LRRC75A: variants seen among roughly 807,000 people sequenced by gnomAD.
LRRC75A encodes the protein leucine rich repeat containing 75A.
In LRRC75A, 12 loss-of-function variants were observed where a neutral mutation model predicts 26.0. That is an observed-to-expected ratio of 0.46 (90% CI 0.30 to 0.75). The LOEUF (loss-of-function observed/expected upper bound fraction) is 0.75, where lower values mean the gene tolerates loss of function less well. Ranked by LOEUF, LRRC75A falls within the 30% of genes least tolerant of loss-of-function variation. The pLI is 0.08. For missense variants in LRRC75A, 410 were observed against 486.6 expected (o/e 0.84, Z 1.48); for synonymous variants, 223 against 219.3 (o/e 1.02, Z -0.15).
intron 1 of LRRC75A, among the ~76,000 whole-genome samples, chr17:16,485,785 C>G (rs1328645143): frequency 2.0e-5 from 3 of 151,978 alleles, no homozygotes; most frequent in Non-Finnish European, 2.9e-5. Context: ...CTGAGGATCC[C>G]CACACTGCGG....
At chr17:16,479,093 C>T (rs997779215) in intron 1 of LRRC75A, among the ~76,000 whole-genome samples, 1 of 152,220 alleles carries the variant, frequency 6.6e-6, no homozygotes, top group East Asian at 1.9e-4. Flanking sequence ...AACCCTGATG[C>T]CTCCGCTGGT....
Position 16,492,155 on chromosome 17 carries a change from C to T in LRRC75A, c.-165G>A, listed in dbSNP as rs2093859123. 9 of 398,734 alleles carry T rather than the reference C, an allele frequency of 2.3e-5. No homozygotes were observed. The highest frequency in any genetic ancestry group is 2.7e-5 in the Non-Finnish European group (8 of 295,270). The allele number at this position is 398,734 out of a possible 1,614,324, so 24.7% of individuals were successfully genotyped here. On this transcript the variant is annotated 5_prime_UTR_variant, in exon 1 of 4. Transcript: ENST00000470794. The stretch of plus-strand genomic sequence containing the variant: ...GCGGGCGGGCGGGCGGCTGTCGGCG[C>T]TCCCCGCGCTCCTCCCTCTTGGCTA...
At chr17:16,469,452 C>CT in intron 1 of LRRC75A, among the ~76,000 whole-genome samples, 1 of 152,172 alleles carries the variant, frequency 6.6e-6, no homozygotes. Context: ...TACGCTCAGG[C>CT]TTCCCCCCTC....
chr17:16,473,127 G>GTC (rs2143353384), intron 1 of LRRC75A, among the ~76,000 whole-genome samples: 1 of 150,438 alleles, frequency 6.6e-6, no homozygotes, highest in African/African-American at 2.5e-5. Flanking sequence ...GTTGTAAGTA[G>GTC]TCTGTGTGTG....
At chr17:16,489,051 C>A (rs956013257) in intron 1 of LRRC75A, among the ~76,000 whole-genome samples, 1 of 152,166 alleles carries the variant, frequency 6.6e-6, no homozygotes, top group Non-Finnish European at 1.5e-5. Context: ...CTTTGTGAAC[C>A]CTCCGAAATT....
In LRRC75A at chr17:16,474,946, T is replaced by C. The variant is rs562262092; in HGVS notation, c.247-12560A>G. 2.0e-5 allele frequency among the ~76,000 whole-genome samples: 3 copies of C among 150,830 alleles called. No individual in the cohort carries two copies. In the East Asian group the frequency reaches 5.9e-4, roughly 30 times the overall value. ...AGGCGGAGCTTGCAGTGAGCCAAGA[T>C]TGTGCCACCGCTGCACTCCAGCCTG... On this transcript the variant is annotated intron_variant, in intron 1 of 3. Coordinates refer to ENST00000470794, the MANE Select transcript of LRRC75A (RefSeq NM_001113567.3).
In LRRC75A at chr17:16,462,480, G is replaced by T; in HGVS notation, c.247-94C>A. 2 of 1,528,174 alleles carry T rather than the reference G, an allele frequency of 1.3e-6. No individual in the cohort carries two copies. Among genetic ancestry groups the T allele is most frequent in the Non-Finnish European group, 8.8e-7 (1 of 1,131,288 alleles). 94.7% of individuals were successfully genotyped at this position (1,528,174 alleles called of 1,614,324 possible). A position where few individuals can be genotyped will look rare whatever the true frequency, so the allele number is the denominator to read the frequency against. On this transcript the variant is annotated intron_variant, in intron 1 of 3. Transcript: ENST00000470794. This position sits in a 1 kb window ranked among gnomAD's most constrained non-coding sequence, Gnocchi z 4.6. ...GAAGTAGGCACAGACCCCTAGAGGCGACTCTGCCTCCCAGAGCCCCGGTGG... is the reference window on the plus strand; with the variant it reads ...GAAGTAGGCACAGACCCCTAGAGGCTACTCTGCCTCCCAGAGCCCCGGTGG...
Position 16,443,696 on chromosome 17 carries a change from C to T in LRRC75A, c.927G>A (p.Glu309=), listed in dbSNP as rs753090163. 6.2e-7 allele frequency: 1 copy of T among 1,610,546 alleles called. No individual in the cohort carries two copies. The highest frequency in any genetic ancestry group is 8.5e-7 in the Non-Finnish European group (1 of 1,178,376). ...GGCCTACTGTCCCTTCCCGGACCTCCTCCCCACTGCCTGGGCCCTCACCCA... is the reference window on the plus strand; with the variant it reads ...GGCCTACTGTCCCTTCCCGGACCTCTTCCCCACTGCCTGGGCCCTCACCCA... ...LELGEGPGSG[E]EVREGTVGQE... The change falls in exon 4 of 4, where the codon GAG becomes GAA. Residue 309 remains glutamate, a synonymous_variant. Transcript: ENST00000470794.
At chr17:16,453,156 G>A (rs1022061650) in intron 2 of LRRC75A, among the ~76,000 whole-genome samples, 3 of 152,062 alleles carry the variant, frequency 2.0e-5, no homozygotes, top group East Asian at 1.9e-4. Context: ...AGGCGTAGTC[G>A]TGGGTGCCTG....
Position 16,447,881 on chromosome 17 carries a change from C to T in LRRC75A, c.455G>A (p.Arg152Gln), listed in dbSNP as rs761099123. The T allele has an allele frequency of 3.3e-5, 51 of 1,549,818 alleles. No individual in the cohort carries two copies. Among genetic ancestry groups the T allele is most frequent in the Non-Finnish European group, 4.1e-5 (47 of 1,146,526 alleles). ...YHLSPHSQWR[R>Q]HRGLVKRKPQ... is the part of the protein sequence containing the mutation. ...CTTCCTTTTCACCAGCCCCCGGTGCCGCCTCCACTGGGAGTGGGGGCTGAG... is the reference window on the plus strand; with the variant it reads ...CTTCCTTTTCACCAGCCCCCGGTGCTGCCTCCACTGGGAGTGGGGGCTGAG... Residue 152 changes from arginine to glutamine, a missense_variant, in exon 3 of 4, where the codon CGG (arginine) becomes CAG (glutamine). Coordinates refer to ENST00000470794, the MANE Select transcript of LRRC75A (RefSeq NM_001113567.3).
At chr17:16,485,056 T>C (rs944596846) in intron 1 of LRRC75A, among the ~76,000 whole-genome samples, 8 of 150,946 alleles carry the variant, frequency 5.3e-5, no homozygotes, top group Non-Finnish European at 8.8e-5. Flanking sequence ...GCAGGCACCA[T>C]AGGAGGGGGT....
At position 16,491,693 on chromosome 17, in the gene LRRC75A, C is replaced by T; in HGVS notation, c.246+52G>A. The T allele has an allele frequency of 8.1e-7, 1 of 1,237,952 alleles. No homozygotes were observed. The highest frequency in any genetic ancestry group is 1.0e-6 in the Non-Finnish European group (1 of 980,050). The allele number at this position is 1,237,952 out of a possible 1,614,324, so 76.7% of individuals were successfully genotyped here. ...TTAGGGATGGGGCGCCCCCCCCGGC[C>T]CAGCACGCCCCCTGGCCCGGCGCGC... On this transcript the variant is annotated intron_variant, in intron 1 of 3. Transcript: ENST00000470794. This position sits in a 1 kb window ranked among gnomAD's most constrained non-coding sequence, Gnocchi z 5.9.
At chr17:16,451,251 G>A (rs1022774287) in intron 2 of LRRC75A, among the ~76,000 whole-genome samples, 2 of 152,088 alleles carry the variant, frequency 1.3e-5, no homozygotes, top group Non-Finnish European at 2.9e-5. Flanking sequence ...AGGCCACTGG[G>A]TCTCCAACAA....
In LRRC75A at chr17:16,491,589, G is replaced by A. The variant is rs1277476848; in HGVS notation, c.246+156C>T. 6.6e-6 allele frequency among the ~76,000 whole-genome samples: 1 copy of A among 152,172 alleles called. No homozygotes were observed. The highest frequency in any genetic ancestry group is 1.5e-5 in the Non-Finnish European group (1 of 68,020). On this transcript the variant is annotated intron_variant, in intron 1 of 3. Coordinates refer to ENST00000470794, the MANE Select transcript of LRRC75A (RefSeq NM_001113567.3). This position sits in a 1 kb window ranked among gnomAD's most constrained non-coding sequence, Gnocchi z 5.9. ...CCCCACATTCAGCGGAAGCGCCGAG[G>A]CACCTGCTGCCAGACAGGGCTCCAT...
chr17:16,476,800 A>G (rs2093821001), intron 1 of LRRC75A, among the ~76,000 whole-genome samples: 4 of 139,178 alleles, frequency 2.9e-5, no homozygotes, highest in East Asian at 2.1e-4. Flanking sequence ...GTGCAGTAGC[A>G]CAATCTCGGC....
Position 16,441,582 on chromosome 17 carries a change from T to TG in LRRC75A, c.*2005_*2006insC. ...CATTCTTGAGTTTTTTTGGGTTTTT[T>TG]TTTTTTTTTTTGAGACAGTCTTGCT... On this transcript the variant is annotated 3_prime_UTR_variant, in exon 4 of 4. Coordinates refer to ENST00000470794, the MANE Select transcript of LRRC75A (RefSeq NM_001113567.3). 5.6e-6 allele frequency: 2 copies of TG among 359,084 alleles called. No individual in the cohort carries two copies. Among genetic ancestry groups the TG allele is most frequent in the South Asian group, 2.1e-5 (1 of 47,212 alleles). 22.2% of individuals were successfully genotyped at this position (359,084 alleles called of 1,614,324 possible). A position where few individuals can be genotyped will look rare whatever the true frequency, so the allele number is the denominator to read the frequency against.
intron 1 of LRRC75A, among the ~76,000 whole-genome samples, chr17:16,477,356 C>T (rs1368272496): frequency 6.6e-6 from 1 of 152,262 alleles, no homozygotes; most frequent in Non-Finnish European, 1.5e-5. Context: ...AGGCCAAGGC[C>T]AGACCTCCAA....
At position 16,441,971 on chromosome 17, in the gene LRRC75A, C is replaced by A. The variant is rs2093530588; in HGVS notation, c.*1617G>T. 6.5e-6 allele frequency: 1 copy of A among 153,174 alleles called. No individual in the cohort carries two copies. Among genetic ancestry groups the A allele is most frequent in the African/African-American group, 2.4e-5 (1 of 41,422 alleles). The allele number at this position is 153,174 out of a possible 1,614,324, so 9.5% of individuals were successfully genotyped here. A position where few individuals can be genotyped will look rare whatever the true frequency, so the allele number is the denominator to read the frequency against. On this transcript the variant is annotated 3_prime_UTR_variant, in exon 4 of 4. Coordinates refer to ENST00000470794, the MANE Select transcript of LRRC75A (RefSeq NM_001113567.3). ...ATTCCTCCTGAAATGTTTTTTCATG[C>A]AGTTACCATGAACTAATACTACAAT...
intron 1 of LRRC75A, among the ~76,000 whole-genome samples, chr17:16,485,391 C>T (rs2093844063): frequency 1.3e-5 from 2 of 152,044 alleles, no homozygotes. Context: ...TAAAAGAGAC[C>T]CCAGAGAGAC....
Sources: allele counts gnomAD v4.1 joint callset (sites outside exome capture counted in the v4.1 genomes callset), GRCh38; gene constraint gnomAD v4.1.1; non-coding constraint Gnocchi (gnomAD v3.1); transcripts MANE v1.5; gene names NCBI Gene and HGNC (gene_info 2026-07-23, HGNC 2026-07-21).